NTN4: variants seen among roughly 807,000 people sequenced by gnomAD.
NTN4 encodes the protein netrin-4.
A neutral mutation model predicts 73.6 loss-of-function variants in NTN4; 32 were observed. That is an observed-to-expected ratio of 0.44 (90% CI 0.33 to 0.58). The LOEUF is 0.58. Among genes scored for constraint, NTN4 ranks in the 20% least tolerant of loss-of-function variants. The pLI is 0.04. For synonymous variants in NTN4, 258 were observed against 287.5 expected (o/e 0.90, Z 1.04); for missense variants, 654 against 798.3 (o/e 0.82, Z 2.18).
intron 2 of NTN4, among the ~76,000 whole-genome samples, chr12:95,745,857 A>G (rs1294635549): frequency 6.6e-6 from 1 of 152,152 alleles, no homozygotes; most frequent in Non-Finnish European, 1.5e-5. Context: ...TGCATTTTCT[A>G]GCATAAGGCT....
chr12:95,683,886 C>T (rs775992393), intron 5 of NTN4, among the ~76,000 whole-genome samples, 175 bp from the exon 6 acceptor site: 4 of 152,208 alleles, frequency 2.6e-5, no homozygotes, highest in African/African-American at 4.8e-5. Context: ...GACAGATAAG[C>T]GAGATATAAT....
At chr12:95,721,536 AT>A (rs2078647732) in intron 3 of NTN4, among the ~76,000 whole-genome samples, 1 of 152,192 alleles carries the variant, frequency 6.6e-6, no homozygotes. Flanking sequence ...CTTTGAATAC[AT>A]TTACAAACAG....
chr12:95,765,671 T>C (rs7304659), intron 2 of NTN4, among the ~76,000 whole-genome samples: 85,142 of 152,004 alleles, frequency 0.56, 24,122 homozygotes, highest in East Asian at 0.68. Context: ...CACATATTTG[T>C]CGAGTGACAG....
chr12:95,698,048 C>T (rs2078455295), intron 5 of NTN4, among the ~76,000 whole-genome samples: 1 of 152,164 alleles, frequency 6.6e-6, no homozygotes, highest in Admixed American at 6.5e-5. Flanking sequence ...AGATGATTTA[C>T]AGTATACAGG....
At chr12:95,672,017 T>C (rs1170200116) in intron 7 of NTN4, among the ~76,000 whole-genome samples, 2 of 151,708 alleles carry the variant, frequency 1.3e-5, no homozygotes, top group African/African-American at 4.8e-5. Flanking sequence ...TCTGGGAAGA[T>C]TATAGAGATA....
At chr12:95,683,303 C>G (rs988600707) in intron 6 of NTN4, among the ~76,000 whole-genome samples, 195 bp downstream of exon 6, 2 of 152,198 alleles carry the variant, frequency 1.3e-5, no homozygotes, top group Non-Finnish European at 2.9e-5. Context: ...CTCAGGTGAT[C>G]CACCCGCCTC....
chr12:95,673,074 G>A (rs2078246167), intron 7 of NTN4: 8 of 1,454,350 alleles, frequency 5.5e-6, no homozygotes, highest in African/African-American at 1.4e-5. Flanking sequence ...AGTGAAGGCC[G>A]GCGGGCGGAC....
At chr12:95,771,078 C>T (rs902553405) in intron 2 of NTN4, among the ~76,000 whole-genome samples, 2 of 150,512 alleles carry the variant, frequency 1.3e-5, no homozygotes, top group Non-Finnish European at 1.5e-5. Flanking sequence ...CAAGCTCCGC[C>T]TCCCGGGTTC....
chr12:95,682,423 CT>C lies in NTN4; in HGVS notation c.1510+283del, dbSNP rs11433684. On this transcript the variant is annotated intron_variant, in intron 7 of 9. Coordinates refer to ENST00000343702, the MANE Select transcript of NTN4 (RefSeq NM_021229.4). ...GGAATAATGAGATTTTGGGTGACCTCTTTTTTTTTTTTTTTTACTATGATGT... is the reference window on the plus strand; with the variant it reads ...GGAATAATGAGATTTTGGGTGACCTCTTTTTTTTTTTTTTTACTATGATGT... 2.4e-3 allele frequency among the ~76,000 whole-genome samples: 328 copies of C among 136,452 alleles called. 1 individual carries two copies. Among genetic ancestry groups the C allele is most frequent in the African/African-American group, 4.1e-3 (150 of 36,972 alleles). The allele number at this position is 136,452 out of a possible 152,430, so 89.5% of individuals were successfully genotyped here.
chr12:95,698,769 A>C (rs1244838066), intron 5 of NTN4, among the ~76,000 whole-genome samples: 1 of 152,070 alleles, frequency 6.6e-6, no homozygotes, highest in Non-Finnish European at 1.5e-5. Flanking sequence ...AGGCAGGAGA[A>C]TTGCTTGAGC....
intron 2 of NTN4, among the ~76,000 whole-genome samples, chr12:95,749,987 C>T (rs868486239): frequency 1.8e-4 from 22 of 125,116 alleles, no homozygotes; most frequent in East Asian, 1.2e-3. Context: ...TGGCAAGTCC[C>T]GCTTTTCTGG....
At chr12:95,716,850 C>T (rs1464105305) in intron 3 of NTN4, among the ~76,000 whole-genome samples, 1 of 151,914 alleles carries the variant, frequency 6.6e-6, no homozygotes, top group Non-Finnish European at 1.5e-5. Context: ...TGCTTTGTTG[C>T]TCAGGCTGAA....
At chr12:95,783,721 A>T (rs1414037592) in intron 2 of NTN4, among the ~76,000 whole-genome samples, 1 of 152,262 alleles carries the variant, frequency 6.6e-6, no homozygotes, top group Non-Finnish European at 1.5e-5. Flanking sequence ...CTCAAGCCTC[A>T]ATCTCATCTC....
chr12:95,659,019 G>T lies in NTN4; in HGVS notation c.*67C>A. On this transcript the variant is annotated 3_prime_UTR_variant, in exon 10 of 10. Transcript: ENST00000343702. ...AAAAAATTCCAGTTTCCTGTCTGAG[G>T]TCTTCTTGCTCTAAAGTTTGTGTTT... The T allele has an allele frequency of 1.4e-6, 2 of 1,466,610 alleles. No homozygotes were observed. The highest frequency in any genetic ancestry group is 2.8e-5 in the South Asian group (2 of 72,448). The allele number at this position is 1,466,610 out of a possible 1,614,324, so 90.8% of individuals were successfully genotyped here.
intron 2 of NTN4, among the ~76,000 whole-genome samples, chr12:95,751,932 T>A (rs1260353554): frequency 6.9e-6 from 1 of 144,384 alleles, no homozygotes; most frequent in Non-Finnish European, 1.5e-5. Context: ...CCCAGTTCCC[T>A]TATTAGGCTG....
chr12:95,748,913 A>G (rs557335399), intron 2 of NTN4, among the ~76,000 whole-genome samples: 8 of 152,346 alleles, frequency 5.3e-5, no homozygotes, highest in South Asian at 4.1e-4. Flanking sequence ...TGACTTGCAC[A>G]TATACGCCCA....
rs2078280662 is a variant in NTN4, at chr12:95,677,315, T to C, written c.1510+5392A>G. Among the ~76,000 whole-genome samples the C allele has an allele frequency of 3.3e-5, 5 of 152,196 alleles. No individual in the cohort carries two copies. In the South Asian group the frequency reaches 1.0e-3, roughly 32 times the overall value. ...AAAACAAATTAATAACCATGACAGATATTGAATCAGTAATACTTTCGTCTA... is the reference window on the plus strand; with the variant it reads ...AAAACAAATTAATAACCATGACAGACATTGAATCAGTAATACTTTCGTCTA... On this transcript the variant is annotated intron_variant, in intron 7 of 9. Transcript: ENST00000343702.
At chr12:95,697,016 A>T (rs991382361) in intron 5 of NTN4, among the ~76,000 whole-genome samples, 5 of 152,002 alleles carry the variant, frequency 3.3e-5, no homozygotes, top group Non-Finnish European at 7.4e-5. Flanking sequence ...CAAAAAATAA[A>T]AAAAAAAAAT....
At chr12:95,719,743 A>C (rs951116231) in intron 3 of NTN4, among the ~76,000 whole-genome samples, 2 of 152,202 alleles carry the variant, frequency 1.3e-5, no homozygotes, top group Non-Finnish European at 2.9e-5. Context: ...GCATGTTTTA[A>C]TTTAACAGAA....
Sources: allele counts gnomAD v4.1 joint callset (sites outside exome capture counted in the v4.1 genomes callset), GRCh38; gene constraint gnomAD v4.1.1; transcripts MANE v1.5; gene names NCBI Gene and HGNC (gene_info 2026-07-23, HGNC 2026-07-21).